Variants in IFT43 observed in about 807,000 individuals in gnomAD.
IFT43 encodes intraflagellar transport 43, also known as intraflagellar transport protein 43 homolog.
A neutral mutation model predicts 32.3 loss-of-function variants in IFT43; 33 were observed. The ratio of observed to expected loss-of-function variants is 1.02; its 90% CI spans 0.77 to 1.37. The LOEUF (loss-of-function observed/expected upper bound fraction) is 1.37. Among genes scored for constraint, IFT43 ranks in the 40% most tolerant of loss-of-function variants. The pLI is 0.00. For synonymous variants in IFT43, 93 were observed against 98.2 expected, an observed-to-expected ratio of 0.95 and a Z score of 0.31; for missense variants, 274 against 265.9, an observed-to-expected ratio of 1.03 and a Z score of -0.21.
At position 76,058,673 on chromosome 14, in the gene IFT43, G is replaced by A. The variant is rs979385638; in HGVS notation, c.247G>A (p.Asp83Asn). ...FRRKASEEIEDFRLRPQSLNG... is the reference protein window; with the variant it reads ...FRRKASEEIENFRLRPQSLNG... ...GAGGAAGGCTTCTGAAGAAATAGAA[G>A]AGTACGTTTCCAGTATTCTTATTCT... The change falls in exon 4 of 9, where the codon GAT becomes AAT. Residue 83 changes from aspartate (D) to asparagine (N), a missense_variant and splice_region_variant. Asp to Asn is a conservative substitution (Grantham distance 23). Transcript: ENST00000314067. The A allele has an allele frequency of 6.2e-7, 1 of 1,611,154 alleles. No individual in the cohort carries two copies. Among genetic ancestry groups the A allele is most frequent in the African/African-American group, 1.3e-5 (1 of 74,848 alleles).
At chr14:76,014,706 A>T (rs1225909864) in intron 2 of IFT43, among the ~76,000 whole-genome samples, 1 of 152,104 alleles carries the variant, frequency 6.6e-6, no homozygotes, top group Non-Finnish European at 1.5e-5. Flanking sequence ...AATTCTGTTT[A>T]GCTTTTAGAC....
chr14:76,015,634 G>A (rs188131371), intron 2 of IFT43, among the ~76,000 whole-genome samples: 34 of 152,238 alleles, frequency 2.2e-4, no homozygotes, highest in African/African-American at 7.0e-4. Context: ...GCTGGTGATC[G>A]CTTTGTTTTG....
At chr14:76,056,672 G>A (rs1336728816) in intron 3 of IFT43, among the ~76,000 whole-genome samples, 1 of 152,170 alleles carries the variant, frequency 6.6e-6, no homozygotes, top group East Asian at 1.9e-4. Context: ...TTTTATCCCT[G>A]TTTTCATCCA....
At chr14:75,993,469 T>C (rs1354864656) in intron 2 of IFT43, among the ~76,000 whole-genome samples, 3 of 152,198 alleles carry the variant, frequency 2.0e-5, no homozygotes, top group African/African-American at 7.2e-5. Context: ...TCAGATTTAC[T>C]CACATTTGAT....
At chr14:76,048,113 C>T (rs1049652415) in intron 3 of IFT43, among the ~76,000 whole-genome samples, 2 of 152,216 alleles carry the variant, frequency 1.3e-5, no homozygotes, top group African/African-American at 4.8e-5. Flanking sequence ...ATGTGCCTCT[C>T]GTTCTGCAGC....
chr14:76,039,678 CAT>C lies in IFT43; in HGVS notation c.215+17286_215+17287del, dbSNP rs528137506. ...TATTTATTTTTAAATAAAAAAGAAACATAGTATAGAATTCAAAAGATATGAAA... is the reference window on the plus strand; with the variant it reads ...TATTTATTTTTAAATAAAAAAGAAACAGTATAGAATTCAAAAGATATGAAA... On this transcript the variant is annotated intron_variant, in intron 3 of 8. Transcript: ENST00000314067. Among the ~76,000 whole-genome samples, 39 of 152,140 alleles carry C rather than the reference CAT, an allele frequency of 2.6e-4. No individual in the cohort carries two copies. In the South Asian group the frequency reaches 7.3e-3, roughly 28 times the overall value.
At chr14:76,076,548 A>C in intron 5 of IFT43, 1 of 1,611,462 alleles carries the variant, frequency 6.2e-7, no homozygotes, top group East Asian at 2.2e-5. Flanking sequence ...TGCTTGGGGT[A>C]TACTCATTGC....
Position 76,023,110 on chromosome 14 carries a change from T to G in IFT43, c.215+716T>G, listed in dbSNP as rs575044574. 1.9e-3 allele frequency among the ~76,000 whole-genome samples: 288 copies of G among 152,320 alleles called. 2 individuals are homozygous for G. Among genetic ancestry groups the G allele is most frequent in the African/African-American group, 6.7e-3 (278 of 41,556 alleles). On this transcript the variant is annotated intron_variant, in intron 3 of 8. Transcript: ENST00000314067. Reference sequence around the variant, plus strand: ...GCAGCACTTTATAAACTGCATAGTGTTCAGTGTGGGGCTGTAGATGGCAGA... The same window carrying G: ...GCAGCACTTTATAAACTGCATAGTGGTCAGTGTGGGGCTGTAGATGGCAGA...
chr14:76,058,141 A>G (rs1232847839), intron 3 of IFT43: 1 of 209,486 alleles, frequency 4.8e-6, no homozygotes, highest in African/African-American at 2.4e-5. Context: ...CTCCTCACCC[A>G]CCATCACTCA....
chr14:76,050,708 T>C (rs567348085), intron 3 of IFT43, among the ~76,000 whole-genome samples: 2 of 152,250 alleles, frequency 1.3e-5, no homozygotes, highest in Non-Finnish European at 1.5e-5. Context: ...TCCTACCAGA[T>C]TGTAAAATCT....
intron 2 of IFT43, among the ~76,000 whole-genome samples, chr14:75,995,865 T>C (rs2035734896): frequency 6.6e-6 from 1 of 152,220 alleles, no homozygotes; most frequent in Admixed American, 6.5e-5. Context: ...ACACTTCATA[T>C]TTATGTCATG....
In IFT43 at chr14:76,045,435, G is replaced by A. The variant is rs2036788379; in HGVS notation, c.216-13207G>A. On this transcript the variant is annotated intron_variant, in intron 3 of 8. Transcript: ENST00000314067. Reference sequence around the variant, plus strand: ...TTGTATTCCTTCCTGACTAGAATGAGTTCTCATTTGAGATGTGCTATAGTA... The same window carrying A: ...TTGTATTCCTTCCTGACTAGAATGAATTCTCATTTGAGATGTGCTATAGTA... Among the ~76,000 whole-genome samples, 3 of 152,324 alleles carry A rather than the reference G, an allele frequency of 2.0e-5. No individual in the cohort carries two copies. The South Asian group carries it at 6.2e-4, about 32-fold the overall frequency.
At chr14:76,037,646 C>A (rs774220502) in intron 3 of IFT43, among the ~76,000 whole-genome samples, 3 of 151,392 alleles carry the variant, frequency 2.0e-5, no homozygotes, top group Admixed American at 1.3e-4. Context: ...CCTTGAACAA[C>A]CAGTTGTTAA....
At chr14:75,997,715 G>A (rs2035773517) in intron 2 of IFT43, among the ~76,000 whole-genome samples, 1 of 151,896 alleles carries the variant, frequency 6.6e-6, no homozygotes, top group Admixed American at 6.6e-5. Flanking sequence ...GATCTAGGCT[G>A]TGAATAGAAT....
intron 3 of IFT43, among the ~76,000 whole-genome samples, chr14:76,051,321 C>A (rs1216582452): frequency 1.3e-5 from 2 of 150,442 alleles, no homozygotes; most frequent in Non-Finnish European, 3.0e-5. Flanking sequence ...GAGGAGAAAT[C>A]TGTTGGACAA....
chr14:76,049,510 T>C (rs1467728281), intron 3 of IFT43, among the ~76,000 whole-genome samples: 1 of 151,898 alleles, frequency 6.6e-6, no homozygotes, highest in East Asian at 1.9e-4. Flanking sequence ...TAGCTTTCCA[T>C]GAAGATGTAG....
chr14:75,991,433 G>GTATA (rs759089503), intron 2 of IFT43, among the ~76,000 whole-genome samples: 2,754 of 147,268 alleles, frequency 0.019, 43 homozygotes, highest in Non-Finnish European at 0.03. Context: ...GTGTATGTAT[G>GTATA]TATATATATT....
chr14:76,028,166 C>G (rs752038340), intron 3 of IFT43, among the ~76,000 whole-genome samples: 26 of 152,188 alleles, frequency 1.7e-4, no homozygotes, highest in Non-Finnish European at 3.4e-4. Flanking sequence ...ATCACTTGGT[C>G]TAGGTGGTGA....
chr14:76,001,337 G>A (rs949020029), intron 2 of IFT43, among the ~76,000 whole-genome samples: 9 of 152,200 alleles, frequency 5.9e-5, no homozygotes, highest in Admixed American at 5.9e-4. Flanking sequence ...ATGTTCAGAT[G>A]CCTTTCTTCA....
Sources: allele counts gnomAD v4.1 joint callset (sites outside exome capture counted in the v4.1 genomes callset), GRCh38; gene constraint gnomAD v4.1.1; transcripts MANE v1.5; gene names NCBI Gene and HGNC (gene_info 2026-07-23, HGNC 2026-07-21).